The following BMPR1B variants were observed in gnomAD, a reference collection of about 807,000 sequenced individuals.
The protein encoded by BMPR1B is bone morphogenetic protein receptor type 1B, also known as bone morphogenetic protein receptor type-1B.
BMPR1B carries 12 observed loss-of-function variants against 59.1 expected under a neutral mutation model. The observed-to-expected ratio is 0.20, with a 90% CI of 0.13 to 0.33. BMPR1B has a LOEUF of 0.33. Ranked by LOEUF, BMPR1B falls within the 10% of genes least tolerant of loss-of-function variation. BMPR1B has a pLI of 1.00. For synonymous variants in BMPR1B, 237 were observed against 207.3 expected, an observed-to-expected ratio of 1.14 and a Z score of -1.23; for missense variants, 550 against 610.9, an observed-to-expected ratio of 0.90 and a Z score of 1.05.
intron 1 of BMPR1B, among the ~76,000 whole-genome samples, chr4:94,762,148 A>G (rs1216617706): frequency 2.0e-5 from 3 of 152,202 alleles, no homozygotes; most frequent in Admixed American, 6.5e-5. Context: ...TTACATGCCA[A>G]TATTCTAATT....
chr4:95,081,034 A>C (rs1729098093), intron 3 of BMPR1B, among the ~76,000 whole-genome samples: 1 of 152,208 alleles, frequency 6.6e-6, no homozygotes, highest in South Asian at 2.1e-4. Context: ...AGGTAATTGA[A>C]TAATGGGTGT....
At chr4:95,018,627 T>C (rs1357515467) in intron 3 of BMPR1B, among the ~76,000 whole-genome samples, 1 of 152,168 alleles carries the variant, frequency 6.6e-6, no homozygotes, top group Non-Finnish European at 1.5e-5. Flanking sequence ...AGTGTCCACT[T>C]GTTTATGGAA....
intron 3 of BMPR1B, among the ~76,000 whole-genome samples, chr4:95,010,603 G>A (rs6840826): frequency 0.72 from 109,303 of 152,052 alleles, 40,537 homozygotes; most frequent in East Asian, 0.87. Flanking sequence ...TTGCTTGGCC[G>A]TATGAAAATT....
chr4:94,959,534 A>T (rs1730276349), intron 2 of BMPR1B, among the ~76,000 whole-genome samples: 1 of 152,226 alleles, frequency 6.6e-6, no homozygotes, highest in South Asian at 2.1e-4. Flanking sequence ...TTATTAAAAT[A>T]TTTCTTACTT....
intron 2 of BMPR1B, among the ~76,000 whole-genome samples, chr4:94,968,053 A>G (rs748835388): frequency 8.7e-4 from 132 of 152,198 alleles, no homozygotes; most frequent in Non-Finnish European, 1.7e-3. Flanking sequence ...GTTACACAAT[A>G]TAAACTATGC....
At chr4:94,945,189 T>G (rs1025750360) in intron 2 of BMPR1B, among the ~76,000 whole-genome samples, 1 of 152,220 alleles carries the variant, frequency 6.6e-6, no homozygotes, top group Non-Finnish European at 1.5e-5. Context: ...AATTGCAGTT[T>G]ATGTCAATAG....
chr4:94,928,918 TTCTCA>T (rs1728991074), intron 2 of BMPR1B, among the ~76,000 whole-genome samples: 1 of 152,082 alleles, frequency 6.6e-6, no homozygotes, highest in Non-Finnish European at 1.5e-5. Flanking sequence ...AATTTTACTA[TTCTCA>T]TAAAACTCAT....
At chr4:94,839,575 A>G (rs2148932806) in intron 1 of BMPR1B, among the ~76,000 whole-genome samples, 1 of 149,454 alleles carries the variant, frequency 6.7e-6, no homozygotes. Context: ...AGAGACTAGG[A>G]TTGCAACCCC....
chr4:94,804,325 C>T (rs892143921), intron 1 of BMPR1B, among the ~76,000 whole-genome samples: 4 of 152,138 alleles, frequency 2.6e-5, no homozygotes, highest in Non-Finnish European at 5.9e-5. Context: ...AATGGGATAT[C>T]TGCCTCTTGG....
chr4:95,119,168 G>GCAACCACA (rs1433756943), intron 6 of BMPR1B, among the ~76,000 whole-genome samples: 1 of 152,096 alleles, frequency 6.6e-6, no homozygotes, highest in African/African-American at 2.4e-5. Context: ...GATAGTTCTA[G>GCAACCACA]TTTTGGTTGA....
chr4:95,109,002 TG>T (rs1199769165), intron 4 of BMPR1B, among the ~76,000 whole-genome samples: 1 of 152,102 alleles, frequency 6.6e-6, no homozygotes, highest in African/African-American at 2.4e-5. Flanking sequence ...ATCTCAGCCT[TG>T]TTTATATATT....
intron 2 of BMPR1B, among the ~76,000 whole-genome samples, chr4:94,902,636 A>G (rs1394069131): frequency 1.3e-5 from 2 of 152,032 alleles, no homozygotes; most frequent in African/African-American, 4.8e-5. Flanking sequence ...AGCTTAAGAT[A>G]TAGTCTGTTC....
chr4:95,021,354 G>A (rs12644723), intron 3 of BMPR1B, among the ~76,000 whole-genome samples: 103,067 of 152,126 alleles, frequency 0.68, 35,397 homozygotes, highest in Middle Eastern at 0.79. Context: ...TTTACATGGT[G>A]TGGAGTAGCT....
intron 3 of BMPR1B, chr4:95,051,788 C>T: frequency 6.5e-7 from 1 of 1,534,476 alleles, no homozygotes; most frequent in Middle Eastern, 1.7e-4. Flanking sequence ...AAGATCAGTG[C>T]CCTCCACTAC....
chr4:94,855,466 A>T (rs989395961), intron 1 of BMPR1B, among the ~76,000 whole-genome samples: 2 of 152,212 alleles, frequency 1.3e-5, no homozygotes, highest in African/African-American at 4.8e-5. Context: ...GATGTTTTTC[A>T]TCACTATGAA....
At chr4:94,993,406 C>T (rs552764959) in intron 2 of BMPR1B, among the ~76,000 whole-genome samples, 2 of 152,234 alleles carry the variant, frequency 1.3e-5, no homozygotes, top group South Asian at 2.1e-4. Context: ...GGTGCATTAT[C>T]CTGGAGTCAT....
chr4:94,843,915 C>G (rs1725205724), intron 1 of BMPR1B, among the ~76,000 whole-genome samples: 2 of 152,100 alleles, frequency 1.3e-5, no homozygotes, highest in African/African-American at 4.8e-5. Context: ...GGCTGCAGCT[C>G]TAAACCAGAA....
At position 94,962,449 on chromosome 4, in the gene BMPR1B, A is replaced by C. The variant is rs184811783; in HGVS notation, c.-112-33591A>C. Among the ~76,000 whole-genome samples, 4 of 152,050 alleles carry C rather than the reference A, an allele frequency of 2.6e-5. No individual in the cohort carries two copies. In the East Asian group the frequency reaches 7.7e-4, roughly 29 times the overall value. ...TTATTCTTTCTAGCAGTATGTTTGT[A>C]CCCATTAATCAACATCTCTTAATTT... is the stretch of plus-strand genomic sequence containing the variant. On this transcript the variant is annotated intron_variant, in intron 2 of 12. Transcript: ENST00000515059.
rs146330709 is a variant in BMPR1B at position 95,070,403 on chromosome 4, G to T, written c.-17-34005G>T. Among the ~76,000 whole-genome samples the T allele has an allele frequency of 4.3e-3, 660 of 152,296 alleles. 5 individuals carry two copies. Among genetic ancestry groups the T allele is most frequent in the African/African-American group, 0.014 (593 of 41,568 alleles). The stretch of plus-strand genomic sequence containing the variant: ...CTCAGGTTTTTCACTTTGGCAGCTG[G>T]GTGGATGGCGGTGATGTTCATCAGA... On this transcript the variant is annotated intron_variant, in intron 3 of 12. Coordinates refer to ENST00000515059, the MANE Select transcript of BMPR1B (RefSeq NM_001203.3).
Sources: allele counts gnomAD v4.1 joint callset (sites outside exome capture counted in the v4.1 genomes callset), GRCh38; gene constraint gnomAD v4.1.1; transcripts MANE v1.5; gene names NCBI Gene and HGNC (gene_info 2026-07-23, HGNC 2026-07-21).